CDH13: variants seen among roughly 807,000 people sequenced by gnomAD.
The protein encoded by CDH13 is cadherin 13.
In CDH13, 24 loss-of-function variants were observed where a neutral mutation model predicts 63.8. That is an observed-to-expected ratio of 0.38 (90% CI 0.27 to 0.53). The LOEUF is 0.53. CDH13 is among the 20% of genes least tolerant of loss of function. CDH13 has a pLI of 0.85. For synonymous variants in CDH13, 503 were observed against 355.3 expected (o/e 1.42, Z -4.67); for missense variants, 1,049 against 903.1 (o/e 1.16, Z -2.07).
chr16:83,444,481 A>C (rs895659851), intron 6 of CDH13, among the ~76,000 whole-genome samples: 1 of 152,156 alleles, frequency 6.6e-6, no homozygotes, highest in Non-Finnish European at 1.5e-5. Flanking sequence ...GATTTTTTAA[A>C]ATCTTGACCC....
At chr16:83,032,981 A>C (rs990981115) in intron 3 of CDH13, among the ~76,000 whole-genome samples, 9 of 152,202 alleles carry the variant, frequency 5.9e-5, no homozygotes. Flanking sequence ...ATATGTGTAC[A>C]TGTATATATT....
chr16:83,105,293 A>C lies in CDH13; in HGVS notation c.367-20092A>C, dbSNP rs148243367. Among the ~76,000 whole-genome samples, 1,310 of 152,342 alleles carry C rather than the reference A, an allele frequency of 8.6e-3. 13 individuals are homozygous for C. Among genetic ancestry groups the C allele is most frequent in the African/African-American group, 0.03 (1,249 of 41,578 alleles). ...CTGGTTTTGTATTTGATACAAAGTC[A>C]AACGCTGTTTTTCTCTGAGTCTGTC... On this transcript the variant is annotated intron_variant, in intron 3 of 13. Coordinates refer to ENST00000567109, the MANE Select transcript of CDH13 (RefSeq NM_001257.5).
Position 83,125,432 on chromosome 16 carries a change from G to A in CDH13, c.414G>A (p.Arg138=). ...CTTCTCCTGTCCCAAGACAAAAGAGGTCCATTGTGGTATCTCCCATTTTAA... is the reference window on the plus strand; with the variant it reads ...CTTCTCCTGTCCCAAGACAAAAGAGATCCATTGTGGTATCTCCCATTTTAA... ...ARTSPVPRQK[R]SIVVSPILIP... is the part of the protein sequence containing the mutation. The change falls in exon 4 of 14, where the codon AGG becomes AGA. Residue 138 remains arginine (R), a synonymous_variant. Transcript: ENST00000567109. 2 of 1,611,812 alleles carry A rather than the reference G, an allele frequency of 1.2e-6. No homozygotes were observed. Among genetic ancestry groups the A allele is most frequent in the Non-Finnish European group, 1.7e-6 (2 of 1,177,958 alleles).
In CDH13 at chr16:83,269,060, G is replaced by A. The variant is rs529831254; in HGVS notation, c.636+51563G>A. Among the ~76,000 whole-genome samples, 223 of 152,308 alleles carry A rather than the reference G, an allele frequency of 1.5e-3. 1 individual carries two copies. The highest frequency in any genetic ancestry group is 5.2e-3 in the African/African-American group (218 of 41,578). ...ATCTGTAAAGACGCTTTTACTGTTG[G>A]TGTTTTAAACAGAAAAACAATGACT... On this transcript the variant is annotated intron_variant, in intron 5 of 13. Transcript: ENST00000567109.
chr16:83,163,515 G>C (rs2037535851), intron 4 of CDH13, among the ~76,000 whole-genome samples: 1 of 152,120 alleles, frequency 6.6e-6, no homozygotes, highest in African/African-American at 2.4e-5. Context: ...CAGCATTATA[G>C]TAGAGCCATT....
intron 7 of CDH13, among the ~76,000 whole-genome samples, chr16:83,600,485 A>G (rs1401563698): frequency 2.0e-5 from 3 of 152,236 alleles, no homozygotes; most frequent in Non-Finnish European, 2.9e-5. Context: ...GCACTTCAAA[A>G]TACTTAAAAG....
At chr16:83,157,764 T>C (rs1331991779) in intron 4 of CDH13, among the ~76,000 whole-genome samples, 1 of 135,758 alleles carries the variant, frequency 7.4e-6, no homozygotes, top group Non-Finnish European at 1.6e-5. Context: ...AAAAAAAAAA[T>C]TATCTGGGCA....
intron 7 of CDH13, among the ~76,000 whole-genome samples, chr16:83,523,629 C>T (rs1052371399): frequency 6.6e-6 from 1 of 152,174 alleles, no homozygotes; most frequent in African/African-American, 2.4e-5. Flanking sequence ...CACTCCCTTG[C>T]TTCATGGTAG....
chr16:83,087,460 G>C (rs745873562), intron 3 of CDH13, among the ~76,000 whole-genome samples: 45 of 152,138 alleles, frequency 3.0e-4, no homozygotes, highest in African/African-American at 5.8e-4. Context: ...ACGAGGTCAG[G>C]AGTTCGAGAC....
At chr16:83,541,223 C>G (rs1411875045) in intron 7 of CDH13, among the ~76,000 whole-genome samples, 1 of 152,150 alleles carries the variant, frequency 6.6e-6, no homozygotes, top group Non-Finnish European at 1.5e-5. Flanking sequence ...TATCAGGAAG[C>G]TGCCCAACAC....
chr16:82,837,604 C>T (rs556904093), intron 1 of CDH13, among the ~76,000 whole-genome samples: 1 of 152,254 alleles, frequency 6.6e-6, no homozygotes, highest in South Asian at 2.1e-4. Context: ...TCCACAATCC[C>T]CTCCCAATGC....
chr16:83,251,698 A>AT (rs1905556413), intron 5 of CDH13, among the ~76,000 whole-genome samples: 1 of 152,240 alleles, frequency 6.6e-6, no homozygotes, highest in African/African-American at 2.4e-5. Flanking sequence ...AGCCTCTGAC[A>AT]TCTGAATAGC....
intron 1 of CDH13, among the ~76,000 whole-genome samples, chr16:82,820,456 G>C (rs890650311): frequency 6.6e-6 from 1 of 152,176 alleles, no homozygotes; most frequent in East Asian, 1.9e-4. Flanking sequence ...CTGAGGCACA[G>C]AGAATTTAAG....
At chr16:83,779,111 A>T (rs1467844241) in intron 11 of CDH13, among the ~76,000 whole-genome samples, 1 of 152,302 alleles carries the variant, frequency 6.6e-6, no homozygotes, top group East Asian at 1.9e-4. Flanking sequence ...AAGAACTTCA[A>T]TCAGAAGTCT....
chr16:83,460,053 A>G (rs529479330), intron 6 of CDH13, among the ~76,000 whole-genome samples: 4 of 152,298 alleles, frequency 2.6e-5, no homozygotes, highest in African/African-American at 9.6e-5. Context: ...GAACTTCTAA[A>G]CTCAATAAGA....
intron 3 of CDH13, among the ~76,000 whole-genome samples, chr16:83,101,208 T>A (rs2034461800): frequency 6.6e-6 from 1 of 150,888 alleles, no homozygotes; most frequent in Admixed American, 6.6e-5. Flanking sequence ...TATAGAGGTA[T>A]GTATATATAC....
Position 83,623,409 on chromosome 16 carries a change from C to T in CDH13, c.1101+20815C>T, listed in dbSNP as rs16961054. ...CATGCACTATCGGCTTTATTGCAAT[C>T]GGTTTCTGCGTCTTCTGGGCAGCCC... On this transcript the variant is annotated intron_variant, in intron 8 of 13. Coordinates refer to ENST00000567109, the MANE Select transcript of CDH13 (RefSeq NM_001257.5). Among the ~76,000 whole-genome samples the T allele has an allele frequency of 3.4e-3, 511 of 152,292 alleles. 2 individuals carry two copies. The highest frequency in any genetic ancestry group is 0.012 in the African/African-American group (489 of 41,556).
chr16:83,371,267 C>T (rs2091362097), intron 6 of CDH13, among the ~76,000 whole-genome samples: 1 of 152,142 alleles, frequency 6.6e-6, no homozygotes, highest in South Asian at 2.1e-4. Flanking sequence ...CATGGCCTTT[C>T]TTTTTAAATC....
At chr16:82,706,665 G>C (rs981891107) in intron 1 of CDH13, among the ~76,000 whole-genome samples, 1 of 151,724 alleles carries the variant, frequency 6.6e-6, no homozygotes, top group African/African-American at 2.4e-5. Context: ...TTAGCCAGGT[G>C]TGGTGGTGGG....
Sources: gnomAD v4.1 joint callset for allele counts (sites outside exome capture counted in the v4.1 genomes callset) on GRCh38, gnomAD v4.1.1 for gene constraint, MANE v1.5 for transcripts, NCBI Gene and HGNC (gene_info 2026-07-23, HGNC 2026-07-21) for gene names.